CNIH4: variants seen among roughly 807,000 people sequenced by gnomAD.
The protein encoded by CNIH4 is protein cornichon homolog 4.
CNIH4 carries 9 observed loss-of-function variants against 21.5 expected under a neutral mutation model. The ratio of observed to expected loss-of-function variants is 0.42; its 90% CI spans 0.25 to 0.73. The LOEUF is 0.73. CNIH4 is among the 30% of genes least tolerant of loss of function. CNIH4 has a pLI of 0.27. For synonymous variants in CNIH4, 67 were observed against 59.1 expected, an observed-to-expected ratio of 1.13 and a Z score of -0.61; for missense variants, 159 against 170.0, an observed-to-expected ratio of 0.94 and a Z score of 0.36.
At chr1:224,368,527 T>C (rs1250958888) in intron 3 of CNIH4, among the ~76,000 whole-genome samples, 1 of 152,188 alleles carries the variant, frequency 6.6e-6, no homozygotes, top group Non-Finnish European at 1.5e-5. Flanking sequence ...CTATACTTTA[T>C]GCTGTTGGAG....
chr1:224,358,739 A>G (rs968335596), intron 1 of CNIH4, among the ~76,000 whole-genome samples: 1 of 152,202 alleles, frequency 6.6e-6, no homozygotes, highest in Non-Finnish European at 1.5e-5. Flanking sequence ...TTCTTTTTGC[A>G]GTTTGGAAAA....
Position 224,359,714 on chromosome 1 carries a change from G to A in CNIH4, c.70-781G>A, listed in dbSNP as rs188720939. Among the ~76,000 whole-genome samples, 7 of 152,020 alleles carry A rather than the reference G, an allele frequency of 4.6e-5. No homozygotes were observed. The East Asian group carries it at 7.8e-4, about 17-fold the overall frequency. The stretch of plus-strand genomic sequence containing the variant: ...GCCTCTCAAGTAACTGAGACTACAA[G>A]TGCCTACCAAATCTGCTGCTCAGAC... On this transcript the variant is annotated intron_variant, in intron 1 of 4. Coordinates refer to ENST00000465271, the MANE Select transcript of CNIH4 (RefSeq NM_014184.4).
At chr1:224,361,798 T>G (rs1672296277) in intron 2 of CNIH4, among the ~76,000 whole-genome samples, 2 of 152,068 alleles carry the variant, frequency 1.3e-5, no homozygotes, top group Admixed American at 1.3e-4. Flanking sequence ...TTGCCCAGGC[T>G]GGTCTGAAAT....
chr1:224,357,264 G>T, intron 1 of CNIH4: 1 of 365,716 alleles, frequency 2.7e-6, no homozygotes, highest in Non-Finnish European at 4.9e-6. Flanking sequence ...GCCTCTCCGG[G>T]CGCGCCCCGT....
At position 224,359,522 on chromosome 1, in the gene CNIH4, A is replaced by C. The variant is rs112451980; in HGVS notation, c.70-973A>C. On this transcript the variant is annotated intron_variant, in intron 1 of 4. Transcript: ENST00000465271. ...TTGTGTCAGTAACAGAAATAAAACAAATTGGAGGAAGATCAATCTGTGGAG... is the reference window on the plus strand; with the variant it reads ...TTGTGTCAGTAACAGAAATAAAACACATTGGAGGAAGATCAATCTGTGGAG... Among the ~76,000 whole-genome samples, 370 of 152,324 alleles carry C rather than the reference A, an allele frequency of 2.4e-3. 2 individuals carry two copies. Among genetic ancestry groups the C allele is most frequent in the African/African-American group, 8.6e-3 (358 of 41,578 alleles).
At chr1:224,375,751 A>G (rs1330178727) in intron 4 of CNIH4, 44 bp from the exon 5 acceptor site, 9 of 1,612,708 alleles carry the variant, frequency 5.6e-6, no homozygotes, top group Non-Finnish European at 7.6e-6. Flanking sequence ...CTGTAGGAAC[A>G]TTCCTGAGAA....
In CNIH4 at chr1:224,368,908, G is replaced by C. The variant is rs1249865019; in HGVS notation, c.252-2375G>C. Among the ~76,000 whole-genome samples the C allele has an allele frequency of 6.0e-3, 410 of 68,646 alleles. 2 individuals are homozygous for C. Among genetic ancestry groups the C allele is most frequent in the Non-Finnish European group, 8.2e-3 (276 of 33,814 alleles). The allele number at this position is 68,646 out of a possible 152,430, so 45.0% of individuals were successfully genotyped here. A position where few individuals can be genotyped will look rare whatever the true frequency, so the allele number is the denominator to read the frequency against. On this transcript the variant is annotated intron_variant, in intron 3 of 4. Transcript: ENST00000465271. ...CTTGCCAACACTTTTTACTGTGTGT[G>C]TCTTTTTTTTTTTTTTGATATCAAA...
chr1:224,358,338 G>GT (rs1294860298), intron 1 of CNIH4, among the ~76,000 whole-genome samples: 1 of 152,222 alleles, frequency 6.6e-6, no homozygotes, highest in Non-Finnish European at 1.5e-5. Flanking sequence ...TTGAGCAGCA[G>GT]TTTTTACTTT....
chr1:224,359,040 GC>G (rs1201795284), intron 1 of CNIH4, among the ~76,000 whole-genome samples: 1 of 152,180 alleles, frequency 6.6e-6, no homozygotes. Context: ...ACTGGCAAGA[GC>G]GAAGGTGCAG....
chr1:224,373,818 G>C (rs1210787149), intron 4 of CNIH4, among the ~76,000 whole-genome samples: 5 of 151,762 alleles, frequency 3.3e-5, no homozygotes, highest in Non-Finnish European at 5.9e-5. Flanking sequence ...ACAGAGTAAG[G>C]CTCCGTCTCA....
chr1:224,370,094 A>G (rs574966962), intron 3 of CNIH4, among the ~76,000 whole-genome samples: 1 of 151,162 alleles, frequency 6.6e-6, no homozygotes, highest in South Asian at 2.2e-4. Context: ...TACAAAAAGG[A>G]AAAAAAAGAC....
At chr1:224,357,271 C>A in intron 1 of CNIH4, 1 of 346,266 alleles carries the variant, frequency 2.9e-6, no homozygotes, top group Non-Finnish European at 5.2e-6. Context: ...CGGGCGCGCC[C>A]CGTCTCGGCC....
chr1:224,375,972 T>C lies in CNIH4; in HGVS notation c.*150T>C. ...CTATTTTTGCTGTATTTTTACCATATAAAGTATTTAAAAAACATGAATTGA... is the reference window on the plus strand; with the variant it reads ...CTATTTTTGCTGTATTTTTACCATACAAAGTATTTAAAAAACATGAATTGA... On this transcript the variant is annotated 3_prime_UTR_variant, in exon 5 of 5. Transcript: ENST00000465271. 3 of 1,310,460 alleles carry C rather than the reference T, an allele frequency of 2.3e-6. No homozygotes were observed. Among genetic ancestry groups the C allele is most frequent in the East Asian group, 2.8e-5 (1 of 35,232 alleles). 81.2% of individuals were successfully genotyped at this position (1,310,460 alleles called of 1,614,324 possible).
chr1:224,360,663 ATGT>A (rs1672260430), intron 2 of CNIH4, 100 bp downstream of exon 2: 4 of 531,140 alleles, frequency 7.5e-6, no homozygotes, highest in Non-Finnish European at 9.7e-6. Flanking sequence ...TTTAGAGTAC[ATGT>A]TGTCTCTTAT....
At chr1:224,369,577 A>T (rs1440645777) in intron 3 of CNIH4, among the ~76,000 whole-genome samples, 7 of 152,048 alleles carry the variant, frequency 4.6e-5, no homozygotes, top group African/African-American at 7.2e-5. Flanking sequence ...TTACGTCTAA[A>T]AATAATAATA....
chr1:224,360,518 A>C lies in CNIH4; in HGVS notation c.93A>C (p.Glu31Asp). The change falls in exon 2 of 5, where the codon GAA becomes GAC. Residue 31 changes from glutamate (E) to aspartate (D), a missense_variant. Transcript: ENST00000465271. Reference sequence around the variant, plus strand: ...AGATAATTACATTGTCTGATTTAGAATGTGATTACATTAATGCTAGATCAT... The same window carrying C: ...AGATAATTACATTGTCTGATTTAGACTGTGATTACATTAATGCTAGATCAT... ...VYFIITLSDL[E>D]CDYINARSCC... 5 of 1,463,478 alleles carry C rather than the reference A, an allele frequency of 3.4e-6. No homozygotes were observed. The highest frequency in any genetic ancestry group is 4.6e-6 in the Non-Finnish European group (5 of 1,093,270). The allele number at this position is 1,463,478 out of a possible 1,614,324, so 90.7% of individuals were successfully genotyped here.
At chr1:224,372,272 T>C (rs921511313) in intron 4 of CNIH4, among the ~76,000 whole-genome samples, 1 of 152,226 alleles carries the variant, frequency 6.6e-6, no homozygotes, top group Non-Finnish European at 1.5e-5. Flanking sequence ...AAATTATTCC[T>C]GTGTGTTTTA....
At chr1:224,366,964 GA>G (rs10707628) in intron 3 of CNIH4, among the ~76,000 whole-genome samples, 11,658 of 88,298 alleles carry the variant, frequency 0.13, 1,294 homozygotes, top group African/African-American at 0.33. Context: ...TCCGTCTCAA[GA>G]AAAAAAAAAA....
In CNIH4 at chr1:224,368,406, A is replaced by C. The variant is rs181124276; in HGVS notation, c.251+2415A>C. On this transcript the variant is annotated intron_variant, in intron 3 of 4. Coordinates refer to ENST00000465271, the MANE Select transcript of CNIH4 (RefSeq NM_014184.4). ...ATAAAGACAAAGATCATGTATATTT[A>C]TTGCCCTGGTAACTGCAGTGACAGG... Among the ~76,000 whole-genome samples, 40 of 152,324 alleles carry C rather than the reference A, an allele frequency of 2.6e-4. No homozygotes were observed. In the East Asian group the frequency reaches 7.3e-3, roughly 28 times the overall value.
Sources: gnomAD v4.1 joint callset for allele counts (sites outside exome capture counted in the v4.1 genomes callset) on GRCh38, gnomAD v4.1.1 for gene constraint, MANE v1.5 for transcripts, NCBI Gene and HGNC (gene_info 2026-07-23, HGNC 2026-07-21) for gene names.